TGFBR3: variants seen among roughly 807,000 people sequenced by gnomAD.
The protein encoded by TGFBR3 is transforming growth factor beta receptor type 3.
TGFBR3 carries 46 observed loss-of-function variants against 87.9 expected under a neutral mutation model. The observed-to-expected ratio is 0.52, with a 90% CI of 0.41 to 0.67. The LOEUF (loss-of-function observed/expected upper bound fraction) is 0.67. TGFBR3 is among the 30% of genes least tolerant of loss of function. The pLI, the probability that TGFBR3 is intolerant of heterozygous loss-of-function variation, is 0.00. For synonymous variants in TGFBR3, 381 were observed against 391.6 expected (o/e 0.97, Z 0.32); for missense variants, 866 against 1,041.9 (o/e 0.83, Z 2.32).
At chr1:91,846,969 C>A (rs1030632946) in intron 2 of TGFBR3, among the ~76,000 whole-genome samples, 7 of 152,138 alleles carry the variant, frequency 4.6e-5, no homozygotes, top group Non-Finnish European at 1.0e-4. Flanking sequence ...TTCCTCAGGA[C>A]TTTTCTGGTT....
At chr1:91,872,706 G>A (rs1034572508) in intron 1 of TGFBR3, among the ~76,000 whole-genome samples, 2 of 152,240 alleles carry the variant, frequency 1.3e-5, no homozygotes, top group Admixed American at 1.3e-4. Context: ...TTTCTTTAAC[G>A]TTGTGTTTGC....
At chr1:91,798,772 A>C (rs1490483161) in intron 2 of TGFBR3, among the ~76,000 whole-genome samples, 1 of 152,196 alleles carries the variant, frequency 6.6e-6, no homozygotes, top group Non-Finnish European at 1.5e-5. Context: ...TTAAATGTAT[A>C]AATGAATCAT....
chr1:91,825,157 A>G (rs1470525977), intron 2 of TGFBR3, among the ~76,000 whole-genome samples: 1 of 152,256 alleles, frequency 6.6e-6, no homozygotes, highest in East Asian at 1.9e-4. Flanking sequence ...GGGAAAAAAC[A>G]TAAGCCCACA....
intron 1 of TGFBR3, among the ~76,000 whole-genome samples, chr1:91,901,634 C>T (rs1276764051): frequency 2.0e-5 from 3 of 151,808 alleles, no homozygotes; most frequent in Admixed American, 1.3e-4. Context: ...TTAGAATAAA[C>T]GTTGTGGGCC....
intron 3 of TGFBR3, among the ~76,000 whole-genome samples, chr1:91,782,718 A>G (rs1346935001): frequency 2.0e-5 from 3 of 146,926 alleles, no homozygotes; most frequent in Non-Finnish European, 3.0e-5. Context: ...GGGCATGGCG[A>G]GGGCTGAGAG....
In TGFBR3 at chr1:91,680,500, G is replaced by C. The variant is rs548611386; in HGVS notation, c.*3239C>G. On this transcript the variant is annotated 3_prime_UTR_variant, in exon 17 of 17. Transcript: ENST00000212355. ...TTCAAACTGGCCACAGGGATTTTAAGGGTACTCGTTTTACCCTCATAGATG... is the reference window on the plus strand; with the variant it reads ...TTCAAACTGGCCACAGGGATTTTAACGGTACTCGTTTTACCCTCATAGATG... 2.2e-6 allele frequency: 1 copy of C among 453,904 alleles called. No individual in the cohort carries two copies. Among genetic ancestry groups the C allele is most frequent in the African/African-American group, 2.0e-5 (1 of 49,964 alleles). 28.1% of individuals were successfully genotyped at this position (453,904 alleles called of 1,614,324 possible).
chr1:91,879,094 C>A (rs1678972353), intron 1 of TGFBR3, among the ~76,000 whole-genome samples: 1 of 151,964 alleles, frequency 6.6e-6, no homozygotes, highest in South Asian at 2.1e-4. Flanking sequence ...CATGGCAAAA[C>A]CCTGTCTCTA....
At chr1:91,683,893 G>T in intron 16 of TGFBR3, 36 bp from the exon 17 acceptor site, 1 of 1,528,252 alleles carries the variant, frequency 6.5e-7, no homozygotes, top group Non-Finnish European at 8.9e-7. Context: ...GTCAGAGAAA[G>T]ACGCATATTA....
At chr1:91,763,844 C>T (rs1020082536) in intron 3 of TGFBR3, among the ~76,000 whole-genome samples, 1 of 152,146 alleles carries the variant, frequency 6.6e-6, no homozygotes, top group African/African-American at 2.4e-5. Context: ...TACTTAGTTG[C>T]TGCTGCAGTA....
intron 2 of TGFBR3, among the ~76,000 whole-genome samples, chr1:91,811,767 A>G (rs1676038512): frequency 6.6e-6 from 1 of 152,244 alleles, no homozygotes; most frequent in Non-Finnish European, 1.5e-5. Flanking sequence ...TCAGAAAAAC[A>G]TCTATTGAGC....
chr1:91,744,624 C>T (rs1673274505), intron 4 of TGFBR3, among the ~76,000 whole-genome samples: 1 of 152,130 alleles, frequency 6.6e-6, no homozygotes, highest in African/African-American at 2.4e-5. Context: ...GATCCTCAGA[C>T]AGAAGTACGT....
chr1:91,810,818 T>C (rs1676005068), intron 2 of TGFBR3, among the ~76,000 whole-genome samples: 1 of 152,216 alleles, frequency 6.6e-6, no homozygotes, highest in African/African-American at 2.4e-5. Context: ...GATCAACTCA[T>C]TTTTATTATT....
intron 3 of TGFBR3, among the ~76,000 whole-genome samples, chr1:91,765,430 AAC>A (rs1367368952): frequency 6.6e-6 from 1 of 152,030 alleles, no homozygotes; most frequent in Non-Finnish European, 1.5e-5. Flanking sequence ...TAGTAAACAG[AAC>A]ATTAACACAC....
chr1:91,728,319 A>G (rs1388313471), intron 6 of TGFBR3, among the ~76,000 whole-genome samples: 1 of 152,136 alleles, frequency 6.6e-6, no homozygotes, highest in Non-Finnish European at 1.5e-5. Flanking sequence ...AAGGCTAAAG[A>G]ATTTCTTGAT....
At chr1:91,718,243 TGAA>T (rs1355137466) in intron 10 of TGFBR3, among the ~76,000 whole-genome samples, 1 of 152,178 alleles carries the variant, frequency 6.6e-6, no homozygotes, top group East Asian at 1.9e-4. Flanking sequence ...ACCTGTGAAA[TGAA>T]GAAGCTGAAT....
Position 91,766,723 on chromosome 1 carries a change from C to T in TGFBR3, c.247-7973G>A, listed in dbSNP as rs1374193885. The stretch of plus-strand genomic sequence containing the variant: ...AAGTCACATAGCACTAGATTCTCAC[C>T]ATTTGCATCCCCATTGCTCCTATAG... On this transcript the variant is annotated intron_variant, in intron 3 of 16. Coordinates refer to ENST00000212355, the MANE Select transcript of TGFBR3 (RefSeq NM_003243.5). Among the ~76,000 whole-genome samples, 2 of 133,404 alleles carry T rather than the reference C, an allele frequency of 1.5e-5. 1 individual carries two copies. Among genetic ancestry groups the T allele is most frequent in the African/African-American group, 5.6e-5 (2 of 35,466 alleles). The allele number at this position is 133,404 out of a possible 152,430, so 87.5% of individuals were successfully genotyped here.
At chr1:91,819,377 A>AG (rs1318105216) in intron 2 of TGFBR3, among the ~76,000 whole-genome samples, 6 of 151,626 alleles carry the variant, frequency 4.0e-5, no homozygotes, top group Non-Finnish European at 8.8e-5. Context: ...GGGAAAAAAA[A>AG]AAAATCCCGA....
At chr1:91,787,966 G>GA (rs1318961651) in intron 3 of TGFBR3, among the ~76,000 whole-genome samples, 2 of 139,678 alleles carry the variant, frequency 1.4e-5, no homozygotes, top group Non-Finnish European at 3.0e-5. Context: ...ACCCCAAGAA[G>GA]AAAGAGTGAG....
intron 3 of TGFBR3, among the ~76,000 whole-genome samples, chr1:91,765,727 T>C (rs1042423075): frequency 6.6e-6 from 1 of 152,246 alleles, no homozygotes; most frequent in African/African-American, 2.4e-5. Flanking sequence ...TCCTTAGGGA[T>C]AGATAACAAA....
Sources: gnomAD v4.1 joint callset for allele counts (sites outside exome capture counted in the v4.1 genomes callset) on GRCh38, gnomAD v4.1.1 for gene constraint, MANE v1.5 for transcripts, NCBI Gene and HGNC (gene_info 2026-07-23, HGNC 2026-07-21) for gene names.